The following UBE2B variants were observed in gnomAD, a reference collection of about 807,000 sequenced individuals.
UBE2B encodes the protein ubiquitin-conjugating enzyme E2 B.
A neutral mutation model predicts 24.6 loss-of-function variants in UBE2B; 11 were observed. The observed-to-expected ratio is 0.45, with a 90% CI of 0.28 to 0.74. The LOEUF (loss-of-function observed/expected upper bound fraction) is 0.74, where lower values mean the gene tolerates loss of function less well. Among genes scored for constraint, UBE2B ranks in the 30% least tolerant of loss-of-function variants. The pLI, the probability that UBE2B is intolerant of heterozygous loss-of-function variation, is 0.13. For synonymous variants in UBE2B, 68 were observed against 62.4 expected (o/e 1.09, Z -0.42); for missense variants, 78 against 185.6 (o/e 0.42, Z 3.37).
chr5:134,379,612 C>G (rs1284579678), intron 3 of UBE2B, among the ~76,000 whole-genome samples: 3 of 146,730 alleles, frequency 2.0e-5, no homozygotes, highest in African/African-American at 5.1e-5. Context: ...TGCCATTGCA[C>G]TCCAGCCTGG....
chr5:134,381,156 C>T (rs1418447790), intron 4 of UBE2B, among the ~76,000 whole-genome samples: 5 of 151,580 alleles, frequency 3.3e-5, no homozygotes, highest in African/African-American at 9.7e-5. Context: ...TTAGTAGAGA[C>T]GGGGTTTCAC....
rs1236875716 is a variant in UBE2B, at chr5:134,374,473, A to G, written c.125+10A>G. 1 of 1,552,238 alleles carries G rather than the reference A, an allele frequency of 6.4e-7. No homozygotes were observed. Among genetic ancestry groups the G allele is most frequent in the South Asian group, 1.2e-5 (1 of 84,086 alleles). Reference sequence around the variant, plus strand: ...ATGCAGTTATATTTGGGTGAGTTGAAAGGTTTAACAAATAATAGGTGTGTG... The same window carrying G: ...ATGCAGTTATATTTGGGTGAGTTGAGAGGTTTAACAAATAATAGGTGTGTG... On this transcript the variant is annotated intron_variant, in intron 2 of 5. Coordinates refer to ENST00000265339, the MANE Select transcript of UBE2B (RefSeq NM_003337.4).
chr5:134,373,505 T>G (rs947039305), intron 1 of UBE2B, among the ~76,000 whole-genome samples: 2 of 152,230 alleles, frequency 1.3e-5, no homozygotes, highest in Non-Finnish European at 2.9e-5. Flanking sequence ...AATTATACTT[T>G]AAGTTCTAGG....
chr5:134,371,926 C>G (rs1323769298), intron 1 of UBE2B, among the ~76,000 whole-genome samples: 1 of 152,260 alleles, frequency 6.6e-6, no homozygotes, highest in Non-Finnish European at 1.5e-5. Flanking sequence ...TGCCCGGCGT[C>G]TCGCCCAGGC....
At chr5:134,374,592 AT>A in intron 2 of UBE2B, 129 bp downstream of exon 2, 1 of 1,043,860 alleles carries the variant, frequency 9.6e-7, no homozygotes, top group Admixed American at 2.1e-5. Context: ...TGCAAGATAA[AT>A]TAGAAAAAAA....
chr5:134,385,814 C>T (rs1321873480), intron 4 of UBE2B, among the ~76,000 whole-genome samples: 4 of 151,816 alleles, frequency 2.6e-5, no homozygotes, highest in African/African-American at 7.3e-5. Flanking sequence ...GACTTCGAGA[C>T]TAGCCTGGCC....
At chr5:134,381,469 G>A (rs1438591996) in intron 4 of UBE2B, among the ~76,000 whole-genome samples, 1 of 151,962 alleles carries the variant, frequency 6.6e-6, no homozygotes, top group African/African-American at 2.4e-5. Context: ...CAAAGTCTCT[G>A]TGTGTTGCCC....
At chr5:134,373,053 G>A (rs938266110) in intron 1 of UBE2B, among the ~76,000 whole-genome samples, 12 of 152,172 alleles carry the variant, frequency 7.9e-5, no homozygotes, top group African/African-American at 2.9e-4. Flanking sequence ...ACCTTTTGTA[G>A]TTTCCAGAGA....
At chr5:134,371,770 C>G (rs909575037) in intron 1 of UBE2B, 131 bp downstream of exon 1, 3 of 1,391,962 alleles carry the variant, frequency 2.2e-6, no homozygotes, top group African/African-American at 2.9e-5. Flanking sequence ...TGGCGGAAGC[C>G]GGGTCCTAGC....
chr5:134,380,667 A>G, intron 3 of UBE2B, 52 bp from the exon 4 acceptor site: 1 of 1,044,948 alleles, frequency 9.6e-7, no homozygotes. Context: ...ACTGATGAAG[A>G]GATTAAAAAG....
intron 4 of UBE2B, among the ~76,000 whole-genome samples, chr5:134,384,373 A>G (rs1269559952): frequency 6.6e-6 from 1 of 151,404 alleles, no homozygotes; most frequent in African/African-American, 2.4e-5. Flanking sequence ...TTTTTTGTCC[A>G]AGACAGGTTT....
chr5:134,388,945 T>A (rs1385394389), intron 5 of UBE2B: 8 of 277,484 alleles, frequency 2.9e-5, no homozygotes, highest in Non-Finnish European at 5.1e-5. Flanking sequence ...CTTCTTTAAT[T>A]GTTTTTTTTT....
chr5:134,387,471 A>G (rs1270012379), intron 4 of UBE2B, among the ~76,000 whole-genome samples: 1 of 152,210 alleles, frequency 6.6e-6, no homozygotes, highest in Non-Finnish European at 1.5e-5. Context: ...TGATCATAAC[A>G]TGCTGTCTTA....
At chr5:134,380,846 G>A (rs904946532) in intron 4 of UBE2B, 38 bp downstream of exon 4, 1 of 1,396,608 alleles carries the variant, frequency 7.2e-7, no homozygotes, top group Non-Finnish European at 1.0e-6. Context: ...ATGATAGTGG[G>A]GAAAAGAGTT....
intron 4 of UBE2B, among the ~76,000 whole-genome samples, chr5:134,385,267 A>T (rs1302850425): frequency 6.6e-6 from 1 of 152,236 alleles, no homozygotes; most frequent in Non-Finnish European, 1.5e-5. Flanking sequence ...GCTGAGAGAT[A>T]GATCTAGGCT....
Position 134,386,335 on chromosome 5 carries a change from GA to G in UBE2B, c.242-1979del, listed in dbSNP as rs941869472. 7.7e-3 allele frequency among the ~76,000 whole-genome samples: 901 copies of G among 117,160 alleles called. 4 individuals are homozygous for G. Among genetic ancestry groups the G allele is most frequent in the Middle Eastern group, 0.047 (9 of 192 alleles). 76.9% of individuals were successfully genotyped at this position (117,160 alleles called of 152,430 possible). On this transcript the variant is annotated intron_variant, in intron 4 of 5. Coordinates refer to ENST00000265339, the MANE Select transcript of UBE2B (RefSeq NM_003337.4). ...AGACTGAGAATCCATCTCAAAAAAA[GA>G]AAAAAAAAAAGGGCCGGGCACAGTG...
At chr5:134,382,992 T>C (rs1232456494) in intron 4 of UBE2B, among the ~76,000 whole-genome samples, 3 of 151,058 alleles carry the variant, frequency 2.0e-5, no homozygotes, top group African/African-American at 7.3e-5. Flanking sequence ...TGGTGAAACC[T>C]CATCTCTACC....
intron 4 of UBE2B, among the ~76,000 whole-genome samples, chr5:134,383,552 G>A (rs1484402528): frequency 7.1e-6 from 1 of 140,040 alleles, no homozygotes; most frequent in African/African-American, 2.7e-5. Flanking sequence ...GCATGATCTC[G>A]GCTCACGGCA....
At chr5:134,383,473 CTTTTTTTTTTT>C (rs747399191) in intron 4 of UBE2B, among the ~76,000 whole-genome samples, 2 of 80,032 alleles carry the variant, frequency 2.5e-5, no homozygotes, top group Admixed American at 1.4e-4. Context: ...CCATACCCAG[CTTTTTTTTTTT>C]TTTTTTTTTT....
Sources: gnomAD v4.1 joint callset for allele counts (sites outside exome capture counted in the v4.1 genomes callset) on GRCh38, gnomAD v4.1.1 for gene constraint, MANE v1.5 for transcripts, NCBI Gene and HGNC (gene_info 2026-07-23, HGNC 2026-07-21) for gene names.